GRIA4: variants seen among roughly 807,000 people sequenced by gnomAD.
GRIA4 encodes the protein glutamate ionotropic receptor AMPA type subunit 4, also known as glutamate receptor 4.
GRIA4 carries 34 observed loss-of-function variants against 104.0 expected under a neutral mutation model. The ratio of observed to expected loss-of-function variants is 0.33; its 90% CI spans 0.25 to 0.44. GRIA4 has a LOEUF of 0.44. Among genes scored for constraint, GRIA4 ranks in the 20% least tolerant of loss-of-function variants. The probability of loss-of-function intolerance (pLI) is 1.00; values close to 1 mark genes in which losing one functional copy is unlikely to be tolerated. For synonymous variants in GRIA4, 386 were observed against 381.9 expected (o/e 1.01, Z -0.13); for missense variants, 750 against 1,096.5 (o/e 0.68, Z 4.46).
chr11:105,862,782 A>C (rs1945275110), intron 5 of GRIA4: 1 of 152,238 alleles, frequency 6.6e-6, no homozygotes, highest in South Asian at 2.1e-4. Context: ...AAGTCCTTGA[A>C]TAAATGTTTC....
chr11:105,737,968 AC>A (rs1462298196), intron 3 of GRIA4, among the ~76,000 whole-genome samples: 1 of 152,136 alleles, frequency 6.6e-6, no homozygotes, highest in Admixed American at 6.6e-5. Flanking sequence ...TAAAATGACT[AC>A]TACAGAGTCT....
intron 4 of GRIA4, among the ~76,000 whole-genome samples, chr11:105,790,655 G>A (rs1942176586): frequency 6.6e-6 from 1 of 152,150 alleles, no homozygotes. Context: ...AAAAGGATTA[G>A]ACATAATGCT....
At chr11:105,644,904 G>A (rs1343011364) in intron 3 of GRIA4, among the ~76,000 whole-genome samples, 1 of 152,084 alleles carries the variant, frequency 6.6e-6, no homozygotes, top group Non-Finnish European at 1.5e-5. Flanking sequence ...TGTATAAGAA[G>A]CAAGTAATAA....
At chr11:105,824,011 G>A (rs2135911025) in intron 4 of GRIA4, among the ~76,000 whole-genome samples, 1 of 152,218 alleles carries the variant, frequency 6.6e-6, no homozygotes, top group African/African-American at 2.4e-5. Context: ...ATGTGAGGAT[G>A]GAGGGAGAAG....
At chr11:105,684,401 T>G (rs1486191955) in intron 3 of GRIA4, among the ~76,000 whole-genome samples, 1 of 151,930 alleles carries the variant, frequency 6.6e-6, no homozygotes, top group East Asian at 1.9e-4. Flanking sequence ...GGCATTTGTT[T>G]AGATGAATGA....
At chr11:105,909,012 T>G (rs1591433224) in intron 9 of GRIA4, among the ~76,000 whole-genome samples, 1 of 152,238 alleles carries the variant, frequency 6.6e-6, no homozygotes, top group East Asian at 1.9e-4. Flanking sequence ...AATTAAAAAT[T>G]TCACATAATT....
chr11:105,671,746 A>G, intron 3 of GRIA4, among the ~76,000 whole-genome samples: 1 of 151,564 alleles, frequency 6.6e-6, no homozygotes, highest in Non-Finnish European at 1.5e-5. Flanking sequence ...TTATGGGAAG[A>G]AAAATTTTAC....
intron 5 of GRIA4, among the ~76,000 whole-genome samples, chr11:105,864,972 CATA>C (rs1188284796): frequency 1.3e-5 from 2 of 152,112 alleles, no homozygotes; most frequent in Non-Finnish European, 2.9e-5. Context: ...TTTGCAAAAA[CATA>C]ATAGAAATAG....
intron 4 of GRIA4, among the ~76,000 whole-genome samples, chr11:105,776,456 A>G (rs1591236648): frequency 6.6e-6 from 1 of 152,220 alleles, no homozygotes; most frequent in East Asian, 1.9e-4. Flanking sequence ...ATATGTATGG[A>G]AAAATAGATA....
At chr11:105,927,014 A>G (rs796465660) in intron 13 of GRIA4, 75 bp downstream of exon 13, 1 of 915,466 alleles carries the variant, frequency 1.1e-6, no homozygotes, top group African/African-American at 1.7e-5. Flanking sequence ...CAATTATACC[A>G]TGGGCTTTAG....
chr11:105,805,701 T>C (rs576967811), intron 4 of GRIA4, among the ~76,000 whole-genome samples: 18 of 151,988 alleles, frequency 1.2e-4, no homozygotes, highest in African/African-American at 4.1e-4. Flanking sequence ...ACCCTAATAA[T>C]TGCTAATAGC....
At chr11:105,977,007 G>A (rs1859014535) in intron 16 of GRIA4, among the ~76,000 whole-genome samples, 1 of 151,996 alleles carries the variant, frequency 6.6e-6, no homozygotes, top group African/African-American at 2.4e-5. Context: ...ATATGGAATT[G>A]TTCAACCTTT....
intron 1 of GRIA4, 35 bp from the exon 2 acceptor site, chr11:105,610,873 T>C (rs995199118): frequency 7.3e-5 from 1 of 13,676 alleles, no homozygotes; most frequent in South Asian, 5.7e-4. Context: ...TTCTTTTCTT[T>C]TTTTTTTTTT....
At chr11:105,729,854 T>C (rs895127132) in intron 3 of GRIA4, among the ~76,000 whole-genome samples, 4 of 152,156 alleles carry the variant, frequency 2.6e-5, no homozygotes, top group Admixed American at 1.3e-4. Context: ...TGATTGAACA[T>C]ATCTGAAAAT....
intron 4 of GRIA4, among the ~76,000 whole-genome samples, chr11:105,843,592 T>G (rs1043558751): frequency 6.6e-6 from 1 of 152,196 alleles, no homozygotes; most frequent in Non-Finnish European, 1.5e-5. Context: ...TCCAATAATC[T>G]TGGATTCAAC....
intron 6 of GRIA4, among the ~76,000 whole-genome samples, chr11:105,888,507 C>T (rs1331297773): frequency 6.6e-6 from 1 of 151,448 alleles, no homozygotes; most frequent in Non-Finnish European, 1.5e-5. Context: ...GGGATGGTCT[C>T]GATCTCCTGA....
intron 3 of GRIA4, among the ~76,000 whole-genome samples, chr11:105,636,780 C>T (rs1951214730): frequency 6.6e-6 from 1 of 152,146 alleles, no homozygotes; most frequent in Non-Finnish European, 1.5e-5. Context: ...GTGACAGTGT[C>T]CCTCAACAGC....
At chr11:105,702,489 A>AAATATCTAC (rs1273372853) in intron 3 of GRIA4, among the ~76,000 whole-genome samples, 1 of 151,866 alleles carries the variant, frequency 6.6e-6, no homozygotes, top group East Asian at 1.9e-4. Flanking sequence ...AAAGAATAGG[A>AAATATCTAC]AATATCTACA....
chr11:105,909,759 C>T (rs1947166326), intron 9 of GRIA4, among the ~76,000 whole-genome samples: 1 of 151,894 alleles, frequency 6.6e-6, no homozygotes, highest in South Asian at 2.1e-4. Context: ...TTTGCAGAGT[C>T]CTTAAGTAAT....
Sources: allele counts gnomAD v4.1 joint callset (sites outside exome capture counted in the v4.1 genomes callset), GRCh38; gene constraint gnomAD v4.1.1; transcripts MANE v1.5; gene names NCBI Gene and HGNC (gene_info 2026-07-23, HGNC 2026-07-21).